SLC24A4: variants seen among roughly 807,000 people sequenced by gnomAD.
SLC24A4 encodes solute carrier family 24 member 4.
Under a neutral mutation model 79.0 loss-of-function variants are expected in SLC24A4, and 53 were observed. The ratio of observed to expected loss-of-function variants is 0.67; its 90% CI spans 0.54 to 0.84. SLC24A4 has a LOEUF of 0.84. SLC24A4 is among the 40% of genes least tolerant of loss of function. The pLI is 0.00. For synonymous variants in SLC24A4, 323 were observed against 323.8 expected (o/e 1.00, Z 0.03); for missense variants, 731 against 822.0 (o/e 0.89, Z 1.35).
intron 2 of SLC24A4, among the ~76,000 whole-genome samples, chr14:92,405,981 A>G (rs1890352462): frequency 6.6e-6 from 1 of 152,242 alleles, no homozygotes; most frequent in Admixed American, 6.5e-5. Flanking sequence ...AAACAAGGTA[A>G]GTCCCTTCTG....
intron 2 of SLC24A4, among the ~76,000 whole-genome samples, chr14:92,410,506 TA>T (rs1165399682): frequency 6.6e-6 from 1 of 152,158 alleles, no homozygotes; most frequent in Non-Finnish European, 1.5e-5. Flanking sequence ...AGGTACCTTT[TA>T]AAAGCAAAAA....
chr14:92,463,505 A>T (rs1893932896), intron 12 of SLC24A4, among the ~76,000 whole-genome samples: 1 of 152,198 alleles, frequency 6.6e-6, no homozygotes, highest in African/African-American at 2.4e-5. Context: ...GGAAGCCACC[A>T]GAGAAATTGC....
chr14:92,328,851 C>G (rs1450848495), intron 2 of SLC24A4, among the ~76,000 whole-genome samples: 2 of 152,254 alleles, frequency 1.3e-5, no homozygotes, highest in Non-Finnish European at 2.9e-5. Context: ...GGGACTGAAG[C>G]TGCCACGCCT....
At chr14:92,478,700 T>C (rs1232844688) in intron 12 of SLC24A4, among the ~76,000 whole-genome samples, 1 of 152,148 alleles carries the variant, frequency 6.6e-6, no homozygotes, top group Non-Finnish European at 1.5e-5. Context: ...TCCTTATATT[T>C]TCATATGAAT....
At chr14:92,491,364 C>T (rs562712670) in intron 14 of SLC24A4, among the ~76,000 whole-genome samples, 3 of 152,226 alleles carry the variant, frequency 2.0e-5, no homozygotes, top group South Asian at 2.1e-4. Flanking sequence ...AAGACCCTAA[C>T]GACCTCATTT....
At chr14:92,402,636 T>C (rs1252042942) in intron 2 of SLC24A4, among the ~76,000 whole-genome samples, 1 of 152,166 alleles carries the variant, frequency 6.6e-6, no homozygotes, top group African/African-American at 2.4e-5. Context: ...TCCACATGGC[T>C]GGGGAAGCCT....
chr14:92,409,659 T>C (rs28671668), intron 2 of SLC24A4, among the ~76,000 whole-genome samples: 5 of 151,798 alleles, frequency 3.3e-5, no homozygotes, highest in Admixed American at 1.3e-4. Context: ...GGGCAACCAC[T>C]CTCCTGACTG....
chr14:92,419,733 G>A (rs1055402941), intron 2 of SLC24A4, among the ~76,000 whole-genome samples: 1 of 152,198 alleles, frequency 6.6e-6, no homozygotes, highest in Non-Finnish European at 1.5e-5. Flanking sequence ...TTATTCCTAA[G>A]AGTTCATTCA....
intron 2 of SLC24A4, among the ~76,000 whole-genome samples, chr14:92,379,442 T>C (rs563451058): frequency 9.9e-5 from 15 of 152,244 alleles, no homozygotes; most frequent in African/African-American, 2.9e-4. Context: ...GGGGTGGGTC[T>C]GAGACAGGCC....
intron 2 of SLC24A4, among the ~76,000 whole-genome samples, chr14:92,382,563 C>T (rs1411465904): frequency 6.6e-6 from 1 of 152,128 alleles, no homozygotes; most frequent in African/African-American, 2.4e-5. Flanking sequence ...CTGTATCTTC[C>T]TTAATCATTT....
At chr14:92,489,294 C>T (rs1412877371) in intron 14 of SLC24A4, among the ~76,000 whole-genome samples, 1 of 152,024 alleles carries the variant, frequency 6.6e-6, no homozygotes, top group Non-Finnish European at 1.5e-5. Flanking sequence ...AAAAAATTAG[C>T]CAGGCGTGGT....
intron 2 of SLC24A4, among the ~76,000 whole-genome samples, chr14:92,380,155 C>T (rs1289883713): frequency 6.6e-6 from 1 of 152,236 alleles, no homozygotes; most frequent in Non-Finnish European, 1.5e-5. Flanking sequence ...GGGTGCTCTG[C>T]ATCCGAAGGC....
intron 12 of SLC24A4, among the ~76,000 whole-genome samples, chr14:92,474,678 T>C (rs1176630106): frequency 1.2e-5 from 1 of 83,032 alleles, no homozygotes; most frequent in East Asian, 3.7e-4. Flanking sequence ...TATATATATA[T>C]ATACACATAT....
intron 12 of SLC24A4, among the ~76,000 whole-genome samples, chr14:92,458,189 C>T (rs1477243119): frequency 6.6e-6 from 1 of 152,222 alleles, no homozygotes; most frequent in Non-Finnish European, 1.5e-5. Context: ...TCTCCCTTTG[C>T]TTCCTGGGAG....
chr14:92,486,859 C>A, intron 14 of SLC24A4, 79 bp downstream of exon 14: 3 of 982,910 alleles, frequency 3.1e-6, no homozygotes, highest in African/African-American at 1.6e-5. Context: ...TACAGTTGAC[C>A]AAGTTGTGGC....
At chr14:92,415,894 A>T (rs539112784) in intron 2 of SLC24A4, among the ~76,000 whole-genome samples, 92 of 152,126 alleles carry the variant, frequency 6.0e-4, no homozygotes, top group African/African-American at 2.0e-3. Context: ...ACTGAACCCG[A>T]TTTGTAACCT....
chr14:92,456,136 G>A (rs540774290), intron 11 of SLC24A4, among the ~76,000 whole-genome samples: 11 of 152,372 alleles, frequency 7.2e-5, no homozygotes, highest in East Asian at 1.9e-4. Context: ...CACCAGGGCC[G>A]TGGGCTGGGT....
chr14:92,430,117 G>A (rs949431979), intron 2 of SLC24A4, among the ~76,000 whole-genome samples: 2 of 152,218 alleles, frequency 1.3e-5, no homozygotes, highest in East Asian at 1.9e-4. Context: ...TGGATCAGGG[G>A]ATTTCCCACC....
chr14:92,468,596 G>A (rs944853894), intron 12 of SLC24A4, among the ~76,000 whole-genome samples: 3 of 152,186 alleles, frequency 2.0e-5, no homozygotes, highest in African/African-American at 7.2e-5. Flanking sequence ...GTCCTGAAAT[G>A]CACCTTTACA....
Sources: gnomAD v4.1 joint callset for allele counts (sites outside exome capture counted in the v4.1 genomes callset) on GRCh38, gnomAD v4.1.1 for gene constraint, MANE v1.5 for transcripts, NCBI Gene and HGNC (gene_info 2026-07-23, HGNC 2026-07-21) for gene names.